ZNF684: variants seen among roughly 807,000 people sequenced by gnomAD.
ZNF684 encodes the protein hypothetical protein MGC27466.
ZNF684 carries 13 observed loss-of-function variants against 12.8 expected under a neutral mutation model. The ratio of observed to expected loss-of-function variants is 1.02; its 90% CI spans 0.66 to 1.62. The LOEUF (loss-of-function observed/expected upper bound fraction) is 1.62, where lower values mean the gene tolerates loss of function less well. Among genes scored for constraint, ZNF684 ranks in the 40% most tolerant of loss-of-function variants. ZNF684 has a pLI of 0.00. For synonymous variants in ZNF684, 118 were observed against 151.8 expected (o/e 0.78, Z 1.64); for missense variants, 384 against 446.9 (o/e 0.86, Z 1.27).
intron 2 of ZNF684, among the ~76,000 whole-genome samples, chr1:40,537,587 A>G (rs935827154): frequency 2.0e-5 from 3 of 151,952 alleles, no homozygotes; most frequent in African/African-American, 7.2e-5. Context: ...TAAAAGTACA[A>G]AAAAAATTAG....
chr1:40,544,640 G>A lies in ZNF684; in HGVS notation c.239-1922G>A, dbSNP rs530570692. On this transcript the variant is annotated intron_variant, in intron 4 of 4. Transcript: ENST00000372699. ...GCTGGGATTACAGGTGTGAGCCACCGTGCCTGGCCCAAAAATAAAGTATTT... is the reference window on the plus strand; with the variant it reads ...GCTGGGATTACAGGTGTGAGCCACCATGCCTGGCCCAAAAATAAAGTATTT... The A allele has an allele frequency of 1.3e-4, 21 of 159,628 alleles. No individual in the cohort carries two copies. The South Asian group carries it at 2.7e-3, about 20-fold the overall frequency. 9.9% of individuals were successfully genotyped at this position (159,628 alleles called of 1,614,324 possible).
intron 1 of ZNF684, among the ~76,000 whole-genome samples, chr1:40,532,686 C>T (rs2124505332): frequency 6.6e-6 from 1 of 152,210 alleles, no homozygotes; most frequent in East Asian, 1.9e-4. Context: ...TCCCTGAATC[C>T]AGCCTTCTCA....
At position 40,547,409 on chromosome 1, in the gene ZNF684, AG is replaced by A; in HGVS notation, c.1087del (p.Ala363HisfsTer28). 6.2e-7 allele frequency: 1 copy of A among 1,612,404 alleles called. No individual in the cohort carries two copies. Among genetic ancestry groups the A allele is most frequent in the Admixed American group, 1.7e-5 (1 of 59,842 alleles). On this transcript the variant is annotated frameshift_variant, in exon 5 of 5. Transcript: ENST00000372699. LOFTEE classifies it low-confidence loss of function (END_TRUNC). ...CCTATGAATGTAACAGATGTGGGAAAGCATTTTCCCAGAAGTCAAATCTTAT... is the reference window on the plus strand; with the variant it reads ...CCTATGAATGTAACAGATGTGGGAAACATTTTCCCAGAAGTCAAATCTTAT... ...KPYECNRCGK[A>X]FSQKSNLIVH... is the part of the protein sequence containing the mutation.
At chr1:40,546,015 C>T (rs1646045195) in intron 4 of ZNF684, among the ~76,000 whole-genome samples, 1 of 150,008 alleles carries the variant, frequency 6.7e-6, no homozygotes, top group African/African-American at 2.5e-5. Flanking sequence ...CTCCACCTCC[C>T]AGGTTCAAGC....
chr1:40,543,370 C>T (rs1290875730), intron 4 of ZNF684, among the ~76,000 whole-genome samples: 3 of 151,908 alleles, frequency 2.0e-5, no homozygotes, highest in Non-Finnish European at 2.9e-5. Flanking sequence ...TCCTCTATAA[C>T]ATGGTCCCAT....
rs753358842 is a variant in ZNF684 at position 40,546,783 on chromosome 1, A to G, written c.460A>G (p.Thr154Ala). ...CTTACTTAAATATAATAGAAGTTATACTGTAGAAAACGCTTATGAATGCAG... is the reference window on the plus strand; with the variant it reads ...CTTACTTAAATATAATAGAAGTTATGCTGTAGAAAACGCTTATGAATGCAG... ...LDLLKYNRSYTVENAYECSEC... is the reference protein window; with the variant it reads ...LDLLKYNRSYAVENAYECSEC... Residue 154 changes from threonine (T) to alanine (A), a missense_variant, in exon 5 of 5, where the codon ACT becomes GCT. Thr to Ala is a moderately conservative substitution (Grantham distance 58, BLOSUM62 0). Coordinates refer to ENST00000372699, the MANE Select transcript of ZNF684 (RefSeq NM_152373.4). The G allele has an allele frequency of 6.2e-7, 1 of 1,611,610 alleles. No homozygotes were observed. Among genetic ancestry groups the G allele is most frequent in the Non-Finnish European group, 8.5e-7 (1 of 1,179,388 alleles).
At chr1:40,536,113 G>T (rs902155710) in intron 2 of ZNF684, among the ~76,000 whole-genome samples, 1 of 152,088 alleles carries the variant, frequency 6.6e-6, no homozygotes, top group Non-Finnish European at 1.5e-5. Flanking sequence ...ACATATTTTA[G>T]CCGGGTGCAG....
Position 40,547,597 on chromosome 1 carries a change from A to G in ZNF684, c.*137A>G, listed in dbSNP as rs1041687719. 3.3e-5 allele frequency: 24 copies of G among 732,954 alleles called. No homozygotes were observed. In the East Asian group the frequency reaches 6.2e-4, roughly 19 times the overall value. 45.4% of individuals were successfully genotyped at this position (732,954 alleles called of 1,614,324 possible). A position where few individuals can be genotyped will look rare whatever the true frequency, so the allele number is the denominator to read the frequency against. ...TTCCCATAAAAAACAACCAATGCCA[A>G]TCATGTTCTGGAAGTGATAATAAAC... On this transcript the variant is annotated 3_prime_UTR_variant, in exon 5 of 5. Coordinates refer to ENST00000372699, the MANE Select transcript of ZNF684 (RefSeq NM_152373.4).
intron 2 of ZNF684, among the ~76,000 whole-genome samples, chr1:40,536,364 AG>A (rs1250655661): frequency 1.3e-5 from 2 of 148,186 alleles, no homozygotes; most frequent in Non-Finnish European, 3.0e-5. Flanking sequence ...ACTGCACTCC[AG>A]GCTGGGTGAC....
chr1:40,535,271 T>C (rs1049793299), intron 2 of ZNF684, among the ~76,000 whole-genome samples: 2 of 152,352 alleles, frequency 1.3e-5, no homozygotes, highest in Admixed American at 6.5e-5. Flanking sequence ...TCCCCAAATC[T>C]GAACATAATG....
intron 4 of ZNF684, among the ~76,000 whole-genome samples, chr1:40,543,011 C>CT (rs71842570): frequency 2.0e-4 from 30 of 150,998 alleles, no homozygotes; most frequent in African/African-American, 6.8e-4. Flanking sequence ...AACCAAATGA[C>CT]TTTTTTTTTA....
Position 40,536,342 on chromosome 1 carries a change from C to T in ZNF684, c.15+3161C>T, listed in dbSNP as rs1163556233. 2.7e-5 allele frequency among the ~76,000 whole-genome samples: 4 copies of T among 146,230 alleles called. No individual in the cohort carries two copies. In the East Asian group the frequency reaches 8.0e-4, roughly 29 times the overall value. ...CCGGGAGGTGGAGCTTGCAGTGAGC[C>T]GAGATCGCACCACTGCACTCCAGGC... On this transcript the variant is annotated intron_variant, in intron 2 of 4. Coordinates refer to ENST00000372699, the MANE Select transcript of ZNF684 (RefSeq NM_152373.4).
At chr1:40,532,367 T>C (rs1478380974) in intron 1 of ZNF684, among the ~76,000 whole-genome samples, 2 of 151,852 alleles carry the variant, frequency 1.3e-5, no homozygotes, top group Non-Finnish European at 2.9e-5. Context: ...TCTTTTTTTT[T>C]TTTTTTACAG....
At chr1:40,536,225 C>G (rs1434996580) in intron 2 of ZNF684, among the ~76,000 whole-genome samples, 1 of 151,896 alleles carries the variant, frequency 6.6e-6, no homozygotes, top group East Asian at 1.9e-4. Context: ...AACCCCGTCT[C>G]TACTAAAAAT....
rs762082491 is a variant in ZNF684 at position 40,546,855 on chromosome 1, GA to G, written c.539del (p.Asn180IlefsTer83). 1.2e-6 allele frequency: 2 copies of G among 1,612,828 alleles called. No homozygotes were observed. Among genetic ancestry groups the G allele is most frequent in the East Asian group, 4.5e-5 (2 of 44,882 alleles). The part of the protein sequence containing the change: ...FKKKFHFIRH[E>X]KNHTRKKPFE... ...AAAGAAGTTTCATTTCATTAGACATGAAAAAAATCATACAAGGAAAAAACCT... is the reference window on the plus strand; with the variant it reads ...AAAGAAGTTTCATTTCATTAGACATGAAAAAATCATACAAGGAAAAAACCT... On this transcript the variant is annotated frameshift_variant, in exon 5 of 5. Transcript: ENST00000372699. LOFTEE classifies it low-confidence loss of function (END_TRUNC).
At chr1:40,546,109 G>T (rs1016198444) in intron 4 of ZNF684, among the ~76,000 whole-genome samples, 1 of 151,880 alleles carries the variant, frequency 6.6e-6, no homozygotes, top group African/African-American at 2.4e-5. Context: ...TTTTAGTAGA[G>T]ACCAGGTTTC....
At chr1:40,541,757 A>T in intron 4 of ZNF684, 47 bp downstream of exon 4, 1 of 1,507,784 alleles carries the variant, frequency 6.6e-7, no homozygotes, top group Non-Finnish European at 9.2e-7. Flanking sequence ...TGAGATCCCC[A>T]TTGGTCAGTG....
intron 1 of ZNF684, among the ~76,000 whole-genome samples, chr1:40,532,309 G>A (rs1645962221): frequency 6.6e-6 from 1 of 151,448 alleles, no homozygotes. Flanking sequence ...ACACAGCTTA[G>A]TAAGTGGAAG....
chr1:40,534,785 G>A lies in ZNF684; in HGVS notation c.15+1604G>A, dbSNP rs547833601. Among the ~76,000 whole-genome samples the A allele has an allele frequency of 4.6e-5, 7 of 151,548 alleles. No homozygotes were observed. In the East Asian group the frequency reaches 1.2e-3, roughly 26 times the overall value. ...AGGTGGGAGGATTGCTTGAGGCCAG[G>A]AGTTCAAGACCAGCCTGGGCAATAT... On this transcript the variant is annotated intron_variant, in intron 2 of 4. Coordinates refer to ENST00000372699, the MANE Select transcript of ZNF684 (RefSeq NM_152373.4).
Sources: allele counts gnomAD v4.1 joint callset (sites outside exome capture counted in the v4.1 genomes callset), GRCh38; gene constraint gnomAD v4.1.1; transcripts MANE v1.5; gene names NCBI Gene and HGNC (gene_info 2026-07-23, HGNC 2026-07-21).